Variants in NREP observed in about 807,000 individuals in gnomAD.
NREP encodes the protein neuronal regeneration-related protein.
Under a neutral mutation model 8.6 loss-of-function variants are expected in NREP, and 5 were observed. The ratio of observed to expected loss-of-function variants is 0.58; its 90% CI spans 0.30 to 1.22. NREP has a LOEUF of 1.22. Ranked by LOEUF, NREP falls within the 50% of genes most tolerant of loss-of-function variation. The pLI, the probability that NREP is intolerant of heterozygous loss-of-function variation, is 0.07. For synonymous variants in NREP, 27 were observed against 28.0 expected, an observed-to-expected ratio of 0.96 and a Z score of 0.11; for missense variants, 86 against 82.5, an observed-to-expected ratio of 1.04 and a Z score of -0.17.
intron 2 of NREP, among the ~76,000 whole-genome samples, chr5:111,937,032 T>G (rs1054878320): frequency 6.6e-6 from 1 of 152,106 alleles, no homozygotes; most frequent in Non-Finnish European, 1.5e-5. Context: ...CTTCATTTCC[T>G]GCCCTGGGAT....
chr5:111,786,003 C>G (rs943472780), intron 2 of NREP, among the ~76,000 whole-genome samples: 6 of 152,116 alleles, frequency 3.9e-5, no homozygotes, highest in African/African-American at 1.4e-4. Flanking sequence ...TAGTGTGGAG[C>G]AGGAAAAGGC....
chr5:111,736,259 C>G (rs1026389659), intron 2 of NREP, among the ~76,000 whole-genome samples: 3 of 152,110 alleles, frequency 2.0e-5, no homozygotes, highest in African/African-American at 7.2e-5. Context: ...TAAGGAAGAA[C>G]TCAGCATAAG....
chr5:111,854,506 C>G (rs538911859), intron 2 of NREP, among the ~76,000 whole-genome samples: 1 of 152,166 alleles, frequency 6.6e-6, no homozygotes, highest in Non-Finnish European at 1.5e-5. Context: ...ATAATCTCCC[C>G]GAGCTTCACT....
At chr5:111,731,623 T>C (rs1158505648) in intron 3 of NREP, among the ~76,000 whole-genome samples, 1 of 151,984 alleles carries the variant, frequency 6.6e-6, no homozygotes, top group Non-Finnish European at 1.5e-5. Context: ...GGGAGAGAAA[T>C]GATGTGAGGG....
intron 2 of NREP, among the ~76,000 whole-genome samples, chr5:111,769,568 A>G (rs960475800): frequency 6.6e-6 from 1 of 152,208 alleles, no homozygotes; most frequent in South Asian, 2.1e-4. Context: ...CTGTCTTCAT[A>G]CTGCTGTAAA....
intron 2 of NREP, among the ~76,000 whole-genome samples, chr5:111,972,738 C>G (rs1034414441): frequency 2.0e-5 from 3 of 152,222 alleles, no homozygotes; most frequent in African/African-American, 7.2e-5. Flanking sequence ...GTCTTGACCC[C>G]CAGCTGCACC....
chr5:111,932,211 C>A (rs1755560204), intron 2 of NREP, among the ~76,000 whole-genome samples: 1 of 151,816 alleles, frequency 6.6e-6, no homozygotes, highest in African/African-American at 2.4e-5. Flanking sequence ...TAGATGGTCC[C>A]CTCCATGCTC....
At chr5:111,963,650 C>G (rs892890689) in intron 2 of NREP, among the ~76,000 whole-genome samples, 6 of 152,134 alleles carry the variant, frequency 3.9e-5, no homozygotes, top group Non-Finnish European at 5.9e-5. Flanking sequence ...ACAGTTTGTA[C>G]TCAAGACCAG....
intron 2 of NREP, among the ~76,000 whole-genome samples, chr5:111,884,355 C>T (rs185008344): frequency 0.011 from 1,663 of 151,824 alleles, 17 homozygotes; most frequent in African/African-American, 0.027. Context: ...CAAAAAGAGT[C>T]CAGGACCAGA....
chr5:111,876,967 A>G (rs1340211933), intron 2 of NREP, among the ~76,000 whole-genome samples: 1 of 152,200 alleles, frequency 6.6e-6, no homozygotes, highest in African/African-American at 2.4e-5. Context: ...TGTGCTCTTG[A>G]TCATATGCTA....
chr5:111,967,590 G>A (rs1756680132), intron 2 of NREP, among the ~76,000 whole-genome samples: 1 of 152,166 alleles, frequency 6.6e-6, no homozygotes. Context: ...CAAGGCATTA[G>A]AAGATCTTCT....
chr5:111,842,309 A>T (rs1477669871), intron 2 of NREP, among the ~76,000 whole-genome samples: 1 of 152,190 alleles, frequency 6.6e-6, no homozygotes, highest in East Asian at 1.9e-4. Context: ...TTGTAACTAC[A>T]TTCCTTCCAG....
intron 2 of NREP, among the ~76,000 whole-genome samples, chr5:111,771,189 G>A (rs1751217836): frequency 6.6e-6 from 1 of 152,136 alleles, no homozygotes; most frequent in South Asian, 2.1e-4. Flanking sequence ...TGATGGAAGG[G>A]AAGAATAAAA....
At chr5:111,944,742 G>A (rs1755929579) in intron 2 of NREP, among the ~76,000 whole-genome samples, 2 of 152,082 alleles carry the variant, frequency 1.3e-5, no homozygotes, top group African/African-American at 4.8e-5. Flanking sequence ...CTTCAAGATT[G>A]GTATTTTCAG....
At chr5:111,811,121 T>G (rs1219880830) in intron 2 of NREP, among the ~76,000 whole-genome samples, 1 of 152,180 alleles carries the variant, frequency 6.6e-6, no homozygotes, top group Non-Finnish European at 1.5e-5. Context: ...ACCCTTTCCT[T>G]CCTGAACTTA....
intron 2 of NREP, among the ~76,000 whole-genome samples, chr5:111,965,476 C>T (rs1475819286): frequency 1.3e-5 from 2 of 152,052 alleles, no homozygotes; most frequent in Non-Finnish European, 2.9e-5. Context: ...AAATATCTAA[C>T]ATATGCACAC....
chr5:111,755,326 A>T (rs1750629630), intron 2 of NREP: 1 of 156,584 alleles, frequency 6.4e-6, no homozygotes, highest in South Asian at 2.0e-4. Flanking sequence ...TTTCATCTAT[A>T]TTGCTTTAAA....
chr5:111,756,312 A>ACC (rs70973616), intron 1 of NREP: 1 of 99,468 alleles, frequency 1.0e-5, no homozygotes, highest in Non-Finnish European at 1.6e-5. Context: ...AAAAAAAAAA[A>ACC]CCCTACACGG....
intron 2 of NREP, among the ~76,000 whole-genome samples, chr5:111,793,269 G>C (rs1452449861): frequency 6.6e-6 from 1 of 152,120 alleles, no homozygotes; most frequent in Non-Finnish European, 1.5e-5. Flanking sequence ...TGGCTTATGT[G>C]ATTACGGAGG....
Sources: gnomAD v4.1 joint callset for allele counts (sites outside exome capture counted in the v4.1 genomes callset) on GRCh38, gnomAD v4.1.1 for gene constraint, MANE v1.5 for transcripts, NCBI Gene and HGNC (gene_info 2026-07-23, HGNC 2026-07-21) for gene names.